The following PAX3 variants were observed in gnomAD, a reference collection of about 807,000 sequenced individuals.
The protein encoded by PAX3 is paired box 3.
A neutral mutation model predicts 51.6 loss-of-function variants in PAX3; 14 were observed. The observed-to-expected ratio is 0.27, with a 90% CI of 0.18 to 0.42. PAX3 has a LOEUF of 0.42. Among genes scored for constraint, PAX3 ranks in the 10% least tolerant of loss-of-function variants. PAX3 has a pLI of 1.00. For synonymous variants in PAX3, 280 were observed against 253.4 expected, an observed-to-expected ratio of 1.11 and a Z score of -1.00; for missense variants, 540 against 642.8, an observed-to-expected ratio of 0.84 and a Z score of 1.73.
At chr2:222,248,943 A>G (rs1693324225) in intron 4 of PAX3, among the ~76,000 whole-genome samples, 1 of 152,194 alleles carries the variant, frequency 6.6e-6, no homozygotes, top group South Asian at 2.1e-4. Flanking sequence ...ACTGAGGACC[A>G]TGTGATCAAT....
At chr2:222,243,708 G>C (rs1693105260) in intron 4 of PAX3, among the ~76,000 whole-genome samples, 1 of 152,160 alleles carries the variant, frequency 6.6e-6, no homozygotes, top group African/African-American at 2.4e-5. Context: ...TTTCAAGATT[G>C]TTTCTTTGCT....
chr2:222,232,368 C>T, intron 4 of PAX3, 85 bp from the exon 5 acceptor site: 9 of 1,162,984 alleles, frequency 7.7e-6, no homozygotes, highest in Non-Finnish European at 1.2e-5. Context: ...TCTCCGACTG[C>T]AAGACACCAT....
At chr2:222,260,255 A>G (rs1480722524) in intron 4 of PAX3, among the ~76,000 whole-genome samples, 1 of 121,940 alleles carries the variant, frequency 8.2e-6, no homozygotes, top group Middle Eastern at 3.8e-3. Flanking sequence ...ACTACATGTG[A>G]AAAAAAAACT....
chr2:222,264,692 C>A (rs566668604), intron 4 of PAX3: 1 of 152,268 alleles, frequency 6.6e-6, no homozygotes, highest in South Asian at 2.1e-4. Context: ...GAACAAAGCA[C>A]AAAGGAAGAG....
At chr2:222,260,218 A>G (rs1463129836) in intron 4 of PAX3, among the ~76,000 whole-genome samples, 1 of 152,068 alleles carries the variant, frequency 6.6e-6, no homozygotes, top group African/African-American at 2.4e-5. Flanking sequence ...TCTGTTGTAC[A>G]TCACAAGATT....
chr2:222,269,642 C>T (rs1272151033), intron 4 of PAX3, among the ~76,000 whole-genome samples: 1 of 142,456 alleles, frequency 7.0e-6, no homozygotes, highest in Non-Finnish European at 1.5e-5. Flanking sequence ...GCACATTTCT[C>T]TCCCACCTTT....
intron 4 of PAX3, among the ~76,000 whole-genome samples, chr2:222,281,504 A>G (rs1010713124): frequency 1.3e-5 from 2 of 152,194 alleles, no homozygotes; most frequent in Non-Finnish European, 2.9e-5. Context: ...ACTTCCCTTC[A>G]CCTGTATAGA....
chr2:222,271,255 C>T (rs45579933), intron 4 of PAX3, among the ~76,000 whole-genome samples: 3,205 of 152,058 alleles, frequency 0.021, 43 homozygotes, highest in Middle Eastern at 0.088. Context: ...TAGAACTAGA[C>T]CTGGGCAGCC....
chr2:222,201,855 A>G, intron 8 of PAX3, 89 bp downstream of exon 8: 2 of 1,612,476 alleles, frequency 1.2e-6, no homozygotes, highest in African/African-American at 2.7e-5. Flanking sequence ...TGTGTGGCTT[A>G]ATCTTGCCTC....
At chr2:222,230,932 A>T (rs1332031239) in intron 5 of PAX3, among the ~76,000 whole-genome samples, 1 of 150,056 alleles carries the variant, frequency 6.7e-6, no homozygotes. Context: ...TGCACTTATC[A>T]TGTCTGTGTT....
intron 4 of PAX3, chr2:222,263,114 G>A (rs1466404428): frequency 1.3e-5 from 2 of 152,080 alleles, no homozygotes; most frequent in African/African-American, 4.8e-5. Flanking sequence ...TTGACAAATT[G>A]GACTTCATCA....
chr2:222,295,769 G>A, intron 2 of PAX3, 112 bp from the exon 3 acceptor site: 2 of 1,264,936 alleles, frequency 1.6e-6, no homozygotes, highest in Non-Finnish European at 1.2e-6. Context: ...CTCTGGGACG[G>A]TCCCCCTTTG....
intron 4 of PAX3, among the ~76,000 whole-genome samples, chr2:222,237,607 A>T (rs1239070033): frequency 6.6e-6 from 1 of 152,198 alleles, no homozygotes; most frequent in Non-Finnish European, 1.5e-5. Context: ...TTTTTAAACA[A>T]CAATAAGGCA....
At chr2:222,230,537 A>G (rs1282541251) in intron 5 of PAX3, among the ~76,000 whole-genome samples, 2 of 152,078 alleles carry the variant, frequency 1.3e-5, no homozygotes, top group Admixed American at 6.5e-5. Context: ...CCTTCTGCAC[A>G]TATATCCCAG....
intron 4 of PAX3, among the ~76,000 whole-genome samples, chr2:222,290,093 T>C (rs1694975369): frequency 1.3e-5 from 2 of 152,176 alleles, no homozygotes; most frequent in Non-Finnish European, 1.5e-5. Context: ...CCCTTCCTGC[T>C]CACTAACCGG....
At chr2:222,224,124 G>T (rs2106080120) in intron 5 of PAX3, among the ~76,000 whole-genome samples, 1 of 152,324 alleles carries the variant, frequency 6.6e-6, no homozygotes, top group South Asian at 2.1e-4. Context: ...TTTCTAAAAT[G>T]ATATAAATAG....
intron 4 of PAX3, among the ~76,000 whole-genome samples, chr2:222,237,205 T>G (rs756716043): frequency 6.6e-6 from 1 of 152,014 alleles, no homozygotes; most frequent in Non-Finnish European, 1.5e-5. Context: ...AAGAGGTTGT[T>G]CAGTTCATAC....
chr2:222,201,061 A>C lies in PAX3; in HGVS notation c.*347T>G. ...CACACACACACACACACACGCACGC[A>C]CGCACACAAGCAAATGGAATGTTCT... On this transcript the variant is annotated 3_prime_UTR_variant, in exon 9 of 9. Coordinates refer to ENST00000392070, the MANE Select transcript of PAX3 (RefSeq NM_181458.4). 1 of 1,151,440 alleles carries C rather than the reference A, an allele frequency of 8.7e-7. No homozygotes were observed. Among genetic ancestry groups the C allele is most frequent in the Non-Finnish European group, 1.3e-6 (1 of 782,786 alleles). 71.3% of individuals were successfully genotyped at this position (1,151,440 alleles called of 1,614,324 possible).
intron 7 of PAX3, among the ~76,000 whole-genome samples, chr2:222,211,943 C>A (rs186017230): frequency 6.6e-6 from 1 of 152,250 alleles, no homozygotes; most frequent in East Asian, 1.9e-4. Flanking sequence ...GGGAACAAGT[C>A]TTTATCATGA....
Sources: allele counts gnomAD v4.1 joint callset (sites outside exome capture counted in the v4.1 genomes callset), GRCh38; gene constraint gnomAD v4.1.1; transcripts MANE v1.5; gene names NCBI Gene and HGNC (gene_info 2026-07-23, HGNC 2026-07-21).